PPM1L: variants seen among roughly 807,000 people sequenced by gnomAD.
The protein encoded by PPM1L is protein phosphatase, Mg2+/Mn2+ dependent 1L, also known as protein phosphatase 1L.
In PPM1L, 13 loss-of-function variants were observed where a neutral mutation model predicts 31.4. The observed-to-expected ratio is 0.41, with a 90% confidence interval of 0.27 to 0.66. PPM1L has a LOEUF of 0.66. Ranked by LOEUF, PPM1L falls within the 30% of genes least tolerant of loss-of-function variation. PPM1L has a pLI of 0.29. For missense variants in PPM1L, 326 were observed against 453.7 expected (o/e 0.72, Z 2.56); for synonymous variants, 184 against 175.4 (o/e 1.05, Z -0.39).
intron 2 of PPM1L, among the ~76,000 whole-genome samples, chr3:161,037,518 G>A (rs1290843711): frequency 6.7e-6 from 1 of 149,044 alleles, no homozygotes; most frequent in African/African-American, 2.5e-5. Context: ...AGGTTCAAGT[G>A]ATTCTCCTGC....
intron 2 of PPM1L, among the ~76,000 whole-genome samples, chr3:161,001,404 T>C (rs1320392751): frequency 1.3e-5 from 2 of 152,106 alleles, no homozygotes; most frequent in African/African-American, 2.4e-5. Context: ...TGCCTCAGCC[T>C]CCCGAGTAGT....
At chr3:160,813,431 C>T (rs1249180266) in intron 1 of PPM1L, among the ~76,000 whole-genome samples, 1 of 152,150 alleles carries the variant, frequency 6.6e-6, no homozygotes, top group African/African-American at 2.4e-5. Flanking sequence ...CCTCTTCCTC[C>T]TGGGTTGAAG....
chr3:160,783,303 A>G (rs533204282), intron 1 of PPM1L, among the ~76,000 whole-genome samples: 1 of 152,294 alleles, frequency 6.6e-6, no homozygotes, highest in African/African-American at 2.4e-5. Context: ...CTGTCTATAG[A>G]CATTAAATAA....
intron 1 of PPM1L, among the ~76,000 whole-genome samples, chr3:160,767,606 G>A (rs1212823096): frequency 6.6e-6 from 1 of 152,172 alleles, no homozygotes; most frequent in Non-Finnish European, 1.5e-5. Context: ...CTTCTCTGGA[G>A]TAGTAAACAC....
chr3:161,008,381 C>T (rs997136806), intron 2 of PPM1L, among the ~76,000 whole-genome samples: 1 of 152,202 alleles, frequency 6.6e-6, no homozygotes, highest in Non-Finnish European at 1.5e-5. Flanking sequence ...TTTGTCCAAT[C>T]ACATTTCTTC....
At chr3:161,010,525 T>C (rs901814753) in intron 2 of PPM1L, among the ~76,000 whole-genome samples, 3 of 152,210 alleles carry the variant, frequency 2.0e-5, no homozygotes, top group African/African-American at 4.8e-5. Context: ...TTATAATCCT[T>C]TGGGTATATA....
intron 1 of PPM1L, among the ~76,000 whole-genome samples, chr3:160,840,975 G>A (rs926197351): frequency 3.3e-5 from 5 of 152,136 alleles, no homozygotes; most frequent in Admixed American, 2.6e-4. Context: ...TCACAGACAT[G>A]TGCAGAAATA....
intron 2 of PPM1L, among the ~76,000 whole-genome samples, chr3:160,966,442 CT>C (rs1247103740): frequency 6.6e-6 from 1 of 152,066 alleles, no homozygotes; most frequent in African/African-American, 2.4e-5. Context: ...TTATATCCTG[CT>C]TTTTGCATTT....
chr3:160,776,931 A>G (rs1711573197), intron 1 of PPM1L, among the ~76,000 whole-genome samples: 1 of 151,920 alleles, frequency 6.6e-6, no homozygotes, highest in Non-Finnish European at 1.5e-5. Context: ...GTGCCCTATA[A>G]AGGTTTGTCA....
At chr3:160,876,322 G>C (rs931379639) in intron 1 of PPM1L, among the ~76,000 whole-genome samples, 2 of 152,136 alleles carry the variant, frequency 1.3e-5, no homozygotes, top group African/African-American at 4.8e-5. Flanking sequence ...TATGTTTGTG[G>C]TTGTGCACTC....
At chr3:160,776,179 A>G (rs969785545) in intron 1 of PPM1L, among the ~76,000 whole-genome samples, 2 of 152,386 alleles carry the variant, frequency 1.3e-5, no homozygotes, top group Middle Eastern at 3.4e-3. Context: ...TAGAATTCTC[A>G]TGTACAAAAT....
At chr3:160,772,188 T>C (rs1333019646) in intron 1 of PPM1L, among the ~76,000 whole-genome samples, 3 of 152,224 alleles carry the variant, frequency 2.0e-5, no homozygotes, top group Non-Finnish European at 4.4e-5. Context: ...AGAAGCTCTC[T>C]ATACCTTCAT....
chr3:160,996,420 A>G (rs1317178326), intron 2 of PPM1L, among the ~76,000 whole-genome samples: 1 of 152,200 alleles, frequency 6.6e-6, no homozygotes, highest in Non-Finnish European at 1.5e-5. Context: ...GTGGATAAAA[A>G]AAATTGTGGT....
intron 1 of PPM1L, among the ~76,000 whole-genome samples, chr3:160,763,732 T>G (rs1450054704): frequency 6.6e-6 from 1 of 152,144 alleles, no homozygotes; most frequent in Non-Finnish European, 1.5e-5. Context: ...ATGTGGAGGA[T>G]TGATTTGAAC....
intron 3 of PPM1L, among the ~76,000 whole-genome samples, chr3:161,068,575 ACT>A (rs753419725): frequency 2.0e-4 from 30 of 152,144 alleles, no homozygotes; most frequent in Non-Finnish European, 3.8e-4. Context: ...CACCTTCAGT[ACT>A]CTTATTGATA....
rs1016707399 is a variant in PPM1L at position 161,077,057 on chromosome 3, C to A, written c.*7900C>A. On this transcript the variant is annotated 3_prime_UTR_variant, in exon 4 of 4. Coordinates refer to ENST00000498165, the MANE Select transcript of PPM1L (RefSeq NM_139245.4). The stretch of plus-strand genomic sequence containing the variant: ...CATGGTGAGCACTCAGGCGCCATCA[C>A]TGCCTTCTTGGGGCTTACACCCTAT... 1 of 152,214 alleles carries A rather than the reference C, an allele frequency of 6.6e-6. No homozygotes were observed. Among genetic ancestry groups the A allele is most frequent in the Non-Finnish European group, 1.5e-5 (1 of 68,040 alleles). The allele number at this position is 152,214 out of a possible 1,614,324, so 9.4% of individuals were successfully genotyped here. A position where few individuals can be genotyped will look rare whatever the true frequency, so the allele number is the denominator to read the frequency against.
In PPM1L at chr3:161,054,582, A is replaced by C. The variant is rs543619011; in HGVS notation, c.575-10821A>C. Among the ~76,000 whole-genome samples, 31 of 152,244 alleles carry C rather than the reference A, an allele frequency of 2.0e-4. 1 individual carries two copies. In the South Asian group the frequency reaches 6.2e-3, roughly 31 times the overall value. ...CATACCTTTTTCTGGTTTGCACACA[A>C]AAAATTAAACACAAGGTAGCAATGG... On this transcript the variant is annotated intron_variant, in intron 2 of 3. Transcript: ENST00000498165.
intron 1 of PPM1L, among the ~76,000 whole-genome samples, chr3:160,949,712 CT>C (rs1361512090): frequency 6.6e-6 from 1 of 152,128 alleles, no homozygotes; most frequent in Non-Finnish European, 1.5e-5. Context: ...GTCCTACCTG[CT>C]AGTTGCTCAT....
intron 1 of PPM1L, among the ~76,000 whole-genome samples, chr3:160,931,386 G>A (rs946990968): frequency 5.9e-5 from 9 of 152,178 alleles, no homozygotes; most frequent in East Asian, 1.9e-4. Context: ...GAATCCACAC[G>A]TCCTCATTTA....
Sources: allele counts gnomAD v4.1 joint callset (sites outside exome capture counted in the v4.1 genomes callset), GRCh38; gene constraint gnomAD v4.1.1; transcripts MANE v1.5; gene names NCBI Gene and HGNC (gene_info 2026-07-23, HGNC 2026-07-21).